The following TGFBR3 variants were observed in gnomAD, a reference collection of about 807,000 sequenced individuals.
TGFBR3 encodes the protein transforming growth factor beta receptor type 3.
In TGFBR3, 46 loss-of-function variants were observed where a neutral mutation model predicts 87.9. That is an observed-to-expected ratio of 0.52 (90% confidence interval 0.41 to 0.67). The LOEUF is 0.67. Ranked by LOEUF, TGFBR3 falls within the 30% of genes least tolerant of loss-of-function variation. TGFBR3 has a pLI of 0.00. For missense variants in TGFBR3, 866 were observed against 1,041.9 expected (o/e 0.83, Z 2.32); for synonymous variants, 381 against 391.6 (o/e 0.97, Z 0.32).
chr1:91,816,902 T>C (rs1161657138), intron 2 of TGFBR3, among the ~76,000 whole-genome samples: 2 of 152,174 alleles, frequency 1.3e-5, no homozygotes, highest in South Asian at 2.1e-4. Context: ...CTTACTCCCA[T>C]ATAATAGGTA....
At chr1:91,850,326 G>C (rs559500731) in intron 2 of TGFBR3, among the ~76,000 whole-genome samples, 98 of 152,258 alleles carry the variant, frequency 6.4e-4, no homozygotes, top group African/African-American at 2.1e-3. Flanking sequence ...GAAAAGATAA[G>C]GGCGGGCAGG....
At chr1:91,904,862 G>A (rs529539066) in intron 1 of TGFBR3, among the ~76,000 whole-genome samples, 78 of 151,978 alleles carry the variant, frequency 5.1e-4, no homozygotes, top group Non-Finnish European at 7.5e-4. Context: ...CACCGCGCCC[G>A]GCCTAATTTT....
intron 4 of TGFBR3, among the ~76,000 whole-genome samples, chr1:91,750,988 G>T (rs1673520876): frequency 6.6e-6 from 1 of 152,140 alleles, no homozygotes; most frequent in Admixed American, 6.5e-5. Flanking sequence ...TTTTCAATCA[G>T]CTCTCCCACA....
chr1:91,720,231 C>T lies in TGFBR3; in HGVS notation c.1076-1G>A, dbSNP rs1376541178. ...ACTTCCTCATCTCCCATCTCCTCTG[C>T]TGGTGAAAGAAGAAGGCAAAACATC... On this transcript the variant is annotated splice_acceptor_variant, in intron 8 of 16. Coordinates refer to ENST00000212355, the MANE Select transcript of TGFBR3 (RefSeq NM_003243.5). LOFTEE classifies it high-confidence loss of function. 2 of 1,582,998 alleles carry T rather than the reference C, an allele frequency of 1.3e-6. No homozygotes were observed. Among genetic ancestry groups the T allele is most frequent in the Admixed American group, 1.8e-5 (1 of 55,054 alleles).
At chr1:91,709,503 T>C (rs1671908420) in intron 13 of TGFBR3, among the ~76,000 whole-genome samples, 1 of 152,244 alleles carries the variant, frequency 6.6e-6, no homozygotes, top group Non-Finnish European at 1.5e-5. Flanking sequence ...GATAATCATG[T>C]TGCTGAGTTT....
At chr1:91,775,628 GAC>G (rs1370211385) in intron 3 of TGFBR3, among the ~76,000 whole-genome samples, 1 of 152,230 alleles carries the variant, frequency 6.6e-6, no homozygotes, top group Non-Finnish European at 1.5e-5. Flanking sequence ...GAAGGGAAAA[GAC>G]ACAAAGCCTG....
intron 2 of TGFBR3, among the ~76,000 whole-genome samples, chr1:91,817,190 C>A (rs956355349): frequency 1.3e-5 from 2 of 152,148 alleles, no homozygotes; most frequent in African/African-American, 4.8e-5. Context: ...CTCCAGCTGG[C>A]AGTAGTAAAC....
At chr1:91,852,440 C>T (rs1488143093) in intron 2 of TGFBR3, among the ~76,000 whole-genome samples, 1 of 152,226 alleles carries the variant, frequency 6.6e-6, no homozygotes, top group Non-Finnish European at 1.5e-5. Flanking sequence ...CGCATGCACG[C>T]ACATGCTGTT....
At chr1:91,860,246 T>C (rs1396147661) in intron 2 of TGFBR3, among the ~76,000 whole-genome samples, 1 of 152,210 alleles carries the variant, frequency 6.6e-6, no homozygotes, top group Non-Finnish European at 1.5e-5. Flanking sequence ...TAAATAAGAA[T>C]ATCCTTATTC....
At chr1:91,873,929 G>T (rs943666948) in intron 1 of TGFBR3, among the ~76,000 whole-genome samples, 2 of 150,182 alleles carry the variant, frequency 1.3e-5, no homozygotes, top group African/African-American at 4.9e-5. Flanking sequence ...TAGCCTGGGT[G>T]ACAGAGTGAG....
chr1:91,733,522 A>G (rs1243474067), intron 5 of TGFBR3, among the ~76,000 whole-genome samples: 5 of 152,160 alleles, frequency 3.3e-5, no homozygotes, highest in African/African-American at 1.2e-4. Flanking sequence ...CCCAGATCCA[A>G]ATAAGAGTTG....
At chr1:91,826,623 T>C (rs1440630339) in intron 2 of TGFBR3, among the ~76,000 whole-genome samples, 2 of 152,042 alleles carry the variant, frequency 1.3e-5, no homozygotes, top group African/African-American at 4.8e-5. Flanking sequence ...TGACAGCCAT[T>C]CCTAAGCACC....
At chr1:91,756,534 A>G (rs1297105436) in intron 4 of TGFBR3, among the ~76,000 whole-genome samples, 2 of 152,258 alleles carry the variant, frequency 1.3e-5, no homozygotes, top group African/African-American at 2.4e-5. Flanking sequence ...GTAGAAGGCT[A>G]TCGTGAGAAT....
intron 4 of TGFBR3, among the ~76,000 whole-genome samples, chr1:91,745,954 C>T (rs1163579410): frequency 3.3e-5 from 5 of 152,172 alleles, no homozygotes; most frequent in Non-Finnish European, 7.3e-5. Context: ...GTACCCCAAA[C>T]CAGATTACTT....
At chr1:91,739,855 G>A (rs12061269) in intron 4 of TGFBR3, among the ~76,000 whole-genome samples, 48,563 of 152,044 alleles carry the variant, frequency 0.32, 7,804 homozygotes, top group Middle Eastern at 0.37. Context: ...AAGGTGAAGA[G>A]GAAGCAGGCG....
chr1:91,854,096 A>C (rs764286611), intron 2 of TGFBR3, among the ~76,000 whole-genome samples: 1 of 152,156 alleles, frequency 6.6e-6, no homozygotes, highest in Non-Finnish European at 1.5e-5. Flanking sequence ...AGGACTGAGG[A>C]GATGTTGGTC....
At chr1:91,765,873 G>C (rs1007709889) in intron 3 of TGFBR3, among the ~76,000 whole-genome samples, 4 of 152,100 alleles carry the variant, frequency 2.6e-5, no homozygotes, top group Non-Finnish European at 1.5e-5. Context: ...CTCAATATTT[G>C]CAAATTGATT....
intron 9 of TGFBR3, 123 bp from the exon 10 acceptor site, chr1:91,719,587 T>C: frequency 8.0e-7 from 1 of 1,246,086 alleles, no homozygotes; most frequent in Middle Eastern, 2.7e-4. Context: ...ATCGTGCCCC[T>C]TCCCCAAGTA....
intron 2 of TGFBR3, among the ~76,000 whole-genome samples, chr1:91,803,919 T>C (rs1455717820): frequency 6.6e-6 from 1 of 152,196 alleles, no homozygotes; most frequent in African/African-American, 2.4e-5. Flanking sequence ...TGTGCAATTA[T>C]TGGTTTCACA....
Sources: gnomAD v4.1 joint callset for allele counts (sites outside exome capture counted in the v4.1 genomes callset) on GRCh38, gnomAD v4.1.1 for gene constraint, MANE v1.5 for transcripts, NCBI Gene and HGNC (gene_info 2026-07-23, HGNC 2026-07-21) for gene names.